The following FBXO24 variants were observed in gnomAD, a reference collection of about 807,000 sequenced individuals.
FBXO24 encodes F-box protein 24.
FBXO24 carries 30 observed loss-of-function variants against 63.5 expected under a neutral mutation model. The ratio of observed to expected loss-of-function variants is 0.47; its 90% confidence interval spans 0.35 to 0.64. The LOEUF (loss-of-function observed/expected upper bound fraction) is 0.64, where lower values mean the gene tolerates loss of function less well. Among genes scored for constraint, FBXO24 ranks in the 30% least tolerant of loss-of-function variants. FBXO24 has a pLI of 0.00. For missense variants in FBXO24, 624 were observed against 763.4 expected (o/e 0.82, Z 2.15); for synonymous variants, 300 against 305.0 (o/e 0.98, Z 0.17).
chr7:100,589,854 T>C, intron 1 of FBXO24, 123 bp from the exon 2 acceptor site: 1 of 1,545,678 alleles, frequency 6.5e-7, no homozygotes, highest in South Asian at 1.2e-5. Flanking sequence ...GGGATGGGTC[T>C]GGAGAGAGAG....
At chr7:100,589,928 A>T in intron 1 of FBXO24, 49 bp from the exon 2 acceptor site, 1 of 1,581,464 alleles carries the variant, frequency 6.3e-7, no homozygotes, top group Admixed American at 1.8e-5. Context: ...GAGAAGGGAA[A>T]AAAGGATGTG....
At chr7:100,593,159 C>T in intron 5 of FBXO24, 142 bp downstream of exon 5, 1 of 639,520 alleles carries the variant, frequency 1.6e-6, no homozygotes, top group South Asian at 1.9e-5. Context: ...CTCTGCCCTT[C>T]TCTGTCTCCT....
At chr7:100,597,541 C>T (rs1392916182) in intron 8 of FBXO24, among the ~76,000 whole-genome samples, 1 of 151,898 alleles carries the variant, frequency 6.6e-6, no homozygotes, top group African/African-American at 2.4e-5. Context: ...ATTACAGCGC[C>T]CACCACCATG....
chr7:100,586,769 G>C, intron 1 of FBXO24, 105 bp downstream of exon 1: 1 of 1,312,090 alleles, frequency 7.6e-7, no homozygotes, highest in Non-Finnish European at 1.1e-6. Context: ...GGACGTGTTA[G>C]GGGGCTAGCC....
At position 100,590,430 on chromosome 7, in the gene FBXO24, C is replaced by T; in HGVS notation, c.322+73C>T. On this transcript the variant is annotated intron_variant, in intron 3 of 9. Coordinates refer to ENST00000241071, the MANE Select transcript of FBXO24 (RefSeq NM_033506.3). The stretch of plus-strand genomic sequence containing the variant: ...TAGCCTTCCTGCTCTCTAAAGTCCC[C>T]TGATGACCCCCACACTCCCAACAGT... 2.7e-6 allele frequency: 4 copies of T among 1,478,616 alleles called. 1 individual carries two copies. Among genetic ancestry groups the T allele is most frequent in the Non-Finnish European group, 9.2e-7 (1 of 1,089,792 alleles). The allele number at this position is 1,478,616 out of a possible 1,614,324, so 91.6% of individuals were successfully genotyped here.
intron 8 of FBXO24, among the ~76,000 whole-genome samples, chr7:100,598,462 A>G (rs564406676): frequency 6.6e-6 from 1 of 152,254 alleles, no homozygotes; most frequent in South Asian, 2.1e-4. Flanking sequence ...GTGCCTCTAG[A>G]GAGAGCATGT....
In FBXO24 at chr7:100,594,586, A is replaced by G. The variant is rs1198264949; in HGVS notation, c.952+45A>G. 5 of 1,483,304 alleles carry G rather than the reference A, an allele frequency of 3.4e-6. No homozygotes were observed. Among genetic ancestry groups the G allele is most frequent in the East Asian group, 2.5e-5 (1 of 40,646 alleles). The allele number at this position is 1,483,304 out of a possible 1,614,324, so 91.9% of individuals were successfully genotyped here. A position where few individuals can be genotyped will look rare whatever the true frequency, so the allele number is the denominator to read the frequency against. On this transcript the variant is annotated intron_variant, in intron 6 of 9. Coordinates refer to ENST00000241071, the MANE Select transcript of FBXO24 (RefSeq NM_033506.3). This position sits in a 1 kb window ranked among gnomAD's most constrained non-coding sequence, Gnocchi z 4.2. Reference sequence around the variant, plus strand: ...GGCTCAAGCCCGCAGCCTTGGTTAGACCCTCTAAACATCAACACCCTTCAC... The same window carrying G: ...GGCTCAAGCCCGCAGCCTTGGTTAGGCCCTCTAAACATCAACACCCTTCAC...
chr7:100,596,782 C>T (rs1165360214), intron 8 of FBXO24, among the ~76,000 whole-genome samples: 10 of 152,288 alleles, frequency 6.6e-5, no homozygotes, highest in African/African-American at 2.2e-4. Context: ...ATATCTCACA[C>T]CTGTAATCCC....
chr7:100,591,130 C>T (rs539134043), intron 3 of FBXO24, among the ~76,000 whole-genome samples: 3 of 151,270 alleles, frequency 2.0e-5, no homozygotes, highest in South Asian at 4.2e-4. Flanking sequence ...CTCCACCTCC[C>T]GGGTTCAAGT....
At chr7:100,589,583 G>C in intron 1 of FBXO24, 1 of 1,440,224 alleles carries the variant, frequency 6.9e-7, no homozygotes, top group Non-Finnish European at 9.2e-7. Flanking sequence ...AGACTCCATG[G>C]GGGAGGGGCC....
rs933573399 is a variant in FBXO24 at position 100,600,634 on chromosome 7, C to G, written c.1478C>G (p.Ala493Gly). Residue 493 changes from alanine to glycine, a missense_variant, in exon 10 of 10, where the codon GCC becomes GGC. Physicochemically the swap from Ala to Gly is moderately conservative, Grantham distance 60. This residue lies in a region of FBXO24 where 216 missense variants were observed against 245.2 expected (regional missense o/e 0.88). Transcript: ENST00000241071. This position sits in a 1 kb window ranked among gnomAD's most constrained non-coding sequence, Gnocchi z 6.3. ...EQHAPYRHLP[A>G]SRVVGTPEPS... ...CACGCCCCCTATCGCCACCTGCCAG[C>G]CAGCAGGGTGGTGGGGACTCCTGAG... 3.7e-6 allele frequency: 6 copies of G among 1,613,838 alleles called. No individual in the cohort carries two copies. The highest frequency in any genetic ancestry group is 5.1e-6 in the Non-Finnish European group (6 of 1,179,824).
chr7:100,589,424 C>A lies in FBXO24; in HGVS notation c.40-553C>A, dbSNP rs928738196. 12 of 1,222,654 alleles carry A rather than the reference C, an allele frequency of 9.8e-6. No individual in the cohort carries two copies. The Admixed American group carries it at 5.1e-4, about 51-fold the overall frequency. 75.7% of individuals were successfully genotyped at this position (1,222,654 alleles called of 1,614,324 possible). A position where few individuals can be genotyped will look rare whatever the true frequency, so the allele number is the denominator to read the frequency against. ...CCTACCAGTAATTCACACTTTATTT[C>A]TCCAGTAAAATGCATATCCCTTGAG... On this transcript the variant is annotated intron_variant, in intron 1 of 9. Coordinates refer to ENST00000241071, the MANE Select transcript of FBXO24 (RefSeq NM_033506.3).
At chr7:100,592,420 A>G (rs1802076183) in intron 4 of FBXO24, 1 of 291,498 alleles carries the variant, frequency 3.4e-6, no homozygotes, top group Admixed American at 4.8e-5. Flanking sequence ...CACAAGCAAG[A>G]GCAGGGAAAA....
chr7:100,592,648 A>G, intron 4 of FBXO24, 135 bp from the exon 5 acceptor site: 1 of 687,906 alleles, frequency 1.5e-6, no homozygotes, highest in Non-Finnish European at 2.5e-6. Context: ...GCCCTCCCAC[A>G]TAGGAACCTG....
chr7:100,590,510 T>C (rs1031686638), intron 3 of FBXO24, among the ~76,000 whole-genome samples, 153 bp downstream of exon 3: 4 of 152,186 alleles, frequency 2.6e-5, no homozygotes, highest in Admixed American at 6.5e-5. Flanking sequence ...CATTCTCCCT[T>C]GAGTACTTCC....
At position 100,592,766 on chromosome 7, in the gene FBXO24, C is replaced by T. The variant is rs1434868787; in HGVS notation, c.559-17C>T. On this transcript the variant is annotated splice_polypyrimidine_tract_variant and intron_variant, in intron 4 of 9. Transcript: ENST00000241071. Reference sequence around the variant, plus strand: ...TTTGAAACTCTAGATCCCAGACGCCCTCATCTTTTCCCCCAGTTTGCCTCG... The same window carrying T: ...TTTGAAACTCTAGATCCCAGACGCCTTCATCTTTTCCCCCAGTTTGCCTCG... 3 of 1,607,324 alleles carry T rather than the reference C, an allele frequency of 1.9e-6. No homozygotes were observed. The highest frequency in any genetic ancestry group is 2.6e-6 in the Non-Finnish European group (3 of 1,174,890).
At chr7:100,593,626 CAAAAA>C (rs769155612) in intron 5 of FBXO24, among the ~76,000 whole-genome samples, 1 of 58,982 alleles carries the variant, frequency 1.7e-5, no homozygotes, top group Non-Finnish European at 3.5e-5. Flanking sequence ...GACTCCGTCT[CAAAAA>C]AAAAAAAAAA....
chr7:100,591,676 G>A lies in FBXO24; in HGVS notation c.332G>A (p.Gly111Asp). 1.9e-6 allele frequency: 3 copies of A among 1,614,122 alleles called. No individual in the cohort carries two copies. Among genetic ancestry groups the A allele is most frequent in the Non-Finnish European group, 8.5e-7 (1 of 1,180,002 alleles). Residue 111 changes from glycine to aspartate, a missense_variant, in exon 4 of 10, where the codon GGC becomes GAC. Coordinates refer to ENST00000241071, the MANE Select transcript of FBXO24 (RefSeq NM_033506.3). ...TCCTTCCTTCCTCCAGACACGAAGG[G>A]CCTGTATTTCCAGGCATTTGGAGGC... ...KRAAILNYTK[G>D]LYFQAFGGRR...
rs1584437427 is a variant in FBXO24, at chr7:100,600,626, C to T, written c.1470C>T (p.His490=). 1.9e-6 allele frequency: 3 copies of T among 1,613,772 alleles called. No homozygotes were observed. The highest frequency in any genetic ancestry group is 1.1e-5 in the South Asian group (1 of 91,056). The change falls in exon 10 of 10, where the codon CAC becomes CAT. Residue 490 remains histidine, a synonymous_variant. Transcript: ENST00000241071. The surrounding 1 kb of genome is among the most constrained non-coding windows in gnomAD (Gnocchi z 6.3). ...TTGAGCAGCACGCCCCCTATCGCCA[C>T]CTGCCAGCCAGCAGGGTGGTGGGGA... The part of the protein sequence containing the change: ...HDIEQHAPYR[H]LPASRVVGTP...
Sources: gnomAD v4.1 joint callset for allele counts (sites outside exome capture counted in the v4.1 genomes callset) on GRCh38, gnomAD v4.1.1 for gene constraint, gnomAD v4.1.1 regional missense constraint, Gnocchi (gnomAD v3.1) non-coding constraint, MANE v1.5 for transcripts, NCBI Gene and HGNC (gene_info 2026-07-23, HGNC 2026-07-21) for gene names.